The following ROR2 variants were observed in gnomAD, a reference collection of about 807,000 sequenced individuals.
The protein encoded by ROR2 is tyrosine-protein kinase transmembrane receptor ROR2.
In ROR2, 33 loss-of-function variants were observed where a neutral mutation model predicts 74.9. The observed-to-expected ratio is 0.44, with a 90% CI of 0.33 to 0.59. The LOEUF is 0.59. Ranked by LOEUF, ROR2 falls within the 20% of genes least tolerant of loss-of-function variation. The probability of loss-of-function intolerance (pLI) is 0.02; values close to 1 mark genes in which losing one functional copy is unlikely to be tolerated. For synonymous variants in ROR2, 586 were observed against 558.7 expected (o/e 1.05, Z -0.69); for missense variants, 1,216 against 1,313.8 (o/e 0.93, Z 1.15).
intron 1 of ROR2, among the ~76,000 whole-genome samples, chr9:91,859,046 C>T (rs1288491993): frequency 6.6e-6 from 1 of 152,038 alleles, no homozygotes; most frequent in Non-Finnish European, 1.5e-5. Context: ...GCAAAGGGCT[C>T]GGGAGCCAGG....
At chr9:91,823,351 T>C (rs80240219) in intron 1 of ROR2, among the ~76,000 whole-genome samples, 1 of 152,012 alleles carries the variant, frequency 6.6e-6, no homozygotes, top group Non-Finnish European at 1.5e-5. Flanking sequence ...TTTTTTTTTT[T>C]CAAGACGGAA....
intron 1 of ROR2, among the ~76,000 whole-genome samples, chr9:91,841,282 A>C (rs891711716): frequency 6.6e-6 from 1 of 152,252 alleles, no homozygotes; most frequent in Admixed American, 6.5e-5. Flanking sequence ...GGAAAACTCA[A>C]CATTTTCTAG....
intron 1 of ROR2, among the ~76,000 whole-genome samples, chr9:91,842,504 A>T (rs1828813136): frequency 6.6e-6 from 1 of 152,226 alleles, no homozygotes; most frequent in Non-Finnish European, 1.5e-5. Flanking sequence ...CCCGTGCGTT[A>T]GTGTCTCATG....
intron 1 of ROR2, among the ~76,000 whole-genome samples, chr9:91,812,851 A>T (rs932160377): frequency 6.6e-6 from 1 of 152,320 alleles, no homozygotes; most frequent in East Asian, 1.9e-4. Context: ...GTTGACTTAC[A>T]GAGCTCAATT....
At chr9:91,823,886 C>A (rs886334747) in intron 1 of ROR2, among the ~76,000 whole-genome samples, 9 of 152,224 alleles carry the variant, frequency 5.9e-5, no homozygotes, top group Non-Finnish European at 1.2e-4. Context: ...TCCTAAATTT[C>A]TCTGAAATAC....
At chr9:91,827,837 G>A (rs1828341562) in intron 1 of ROR2, among the ~76,000 whole-genome samples, 1 of 152,196 alleles carries the variant, frequency 6.6e-6, no homozygotes, top group Non-Finnish European at 1.5e-5. Flanking sequence ...AACAACCATA[G>A]TAGTTTTCTT....
intron 1 of ROR2, among the ~76,000 whole-genome samples, chr9:91,788,810 G>A (rs891084438): frequency 3.3e-5 from 5 of 150,400 alleles, no homozygotes; most frequent in Non-Finnish European, 2.9e-5. Context: ...GTTGCAGTGA[G>A]CTGAGATGGT....
At chr9:91,744,362 C>T (rs745643207) in intron 4 of ROR2, among the ~76,000 whole-genome samples, 5 of 151,746 alleles carry the variant, frequency 3.3e-5, no homozygotes, top group Non-Finnish European at 7.4e-5. Context: ...GCTGGGACTA[C>T]AGGCAGTCAC....
intron 7 of ROR2, among the ~76,000 whole-genome samples, chr9:91,727,281 T>C (rs887614268): frequency 6.6e-6 from 1 of 152,182 alleles, no homozygotes; most frequent in Non-Finnish European, 1.5e-5. Context: ...AAACATGCAC[T>C]AGATTTAAAA....
At chr9:91,846,564 G>A (rs1020976527) in intron 1 of ROR2, among the ~76,000 whole-genome samples, 4 of 152,188 alleles carry the variant, frequency 2.6e-5, no homozygotes, top group African/African-American at 9.6e-5. Flanking sequence ...AGCCTACAGA[G>A]CAGACTTTCT....
At chr9:91,806,910 C>T (rs1462570311) in intron 1 of ROR2, among the ~76,000 whole-genome samples, 1 of 152,182 alleles carries the variant, frequency 6.6e-6, no homozygotes, top group Non-Finnish European at 1.5e-5. Context: ...GTTTTGTCCA[C>T]AGCTCCTTGC....
intron 2 of ROR2, among the ~76,000 whole-genome samples, chr9:91,773,911 A>G (rs563101327): frequency 5.8e-4 from 85 of 147,356 alleles, no homozygotes; most frequent in Non-Finnish European, 9.9e-4. Context: ...CCTTTAGGCC[A>G]CTTGGCCACA....
chr9:91,737,891 A>G (rs1825092504), intron 4 of ROR2, among the ~76,000 whole-genome samples: 1 of 152,208 alleles, frequency 6.6e-6, no homozygotes, highest in Non-Finnish European at 1.5e-5. Context: ...GGCTACATAC[A>G]TACTGTATGA....
At chr9:91,900,320 G>T (rs376274805) in intron 1 of ROR2, among the ~76,000 whole-genome samples, 1 of 152,128 alleles carries the variant, frequency 6.6e-6, no homozygotes, top group Non-Finnish European at 1.5e-5. Flanking sequence ...GACGGCAGAC[G>T]CAAGTCCTCC....
At chr9:91,803,521 T>C (rs1827456900) in intron 1 of ROR2, among the ~76,000 whole-genome samples, 1 of 152,220 alleles carries the variant, frequency 6.6e-6, no homozygotes, top group African/African-American at 2.4e-5. Flanking sequence ...AGATGCTAAA[T>C]TTTCTGTTAT....
chr9:91,820,459 G>A (rs1395179249), intron 1 of ROR2, among the ~76,000 whole-genome samples: 3 of 152,144 alleles, frequency 2.0e-5, no homozygotes, highest in African/African-American at 7.2e-5. Context: ...CACCTCCCCA[G>A]CCCTGAGCAG....
chr9:91,776,099 A>AGAGAGGGACAGAGAGCGGGAAG (rs1491549570), intron 1 of ROR2, among the ~76,000 whole-genome samples: 2 of 152,324 alleles, frequency 1.3e-5, no homozygotes, highest in Non-Finnish European at 2.9e-5. Flanking sequence ...GGCTTCATTC[A>AGAGAGGGACAGAGAGCGGGAAG]GAGAGGGACA....
intron 1 of ROR2, among the ~76,000 whole-genome samples, chr9:91,945,177 G>C (rs1216542561): frequency 6.6e-6 from 1 of 152,128 alleles, no homozygotes; most frequent in Non-Finnish European, 1.5e-5. Context: ...GCAATTTGTG[G>C]CTACTGACAC....
intron 7 of ROR2, 29 bp downstream of exon 7, chr9:91,730,881 C>T (rs770752066): frequency 1.9e-6 from 3 of 1,613,756 alleles, no homozygotes; most frequent in East Asian, 4.5e-5. Context: ...ACAATCAACA[C>T]ATTAAAAAAA....
Sources: allele counts gnomAD v4.1 joint callset (sites outside exome capture counted in the v4.1 genomes callset), GRCh38; gene constraint gnomAD v4.1.1; transcripts MANE v1.5; gene names NCBI Gene and HGNC (gene_info 2026-07-23, HGNC 2026-07-21).